SYNPR: variants seen among roughly 807,000 people sequenced by gnomAD.
The protein encoded by SYNPR is synaptoporin.
A neutral mutation model predicts 32.9 loss-of-function variants in SYNPR; 23 were observed. The ratio of observed to expected loss-of-function variants is 0.70; its 90% CI spans 0.50 to 0.99. The LOEUF (loss-of-function observed/expected upper bound fraction) is 0.99. SYNPR is among the 50% of genes least tolerant of loss of function. The probability of loss-of-function intolerance (pLI) is 0.00; values close to 1 mark genes in which losing one functional copy is unlikely to be tolerated. For synonymous variants in SYNPR, 146 were observed against 135.9 expected, an observed-to-expected ratio of 1.07 and a Z score of -0.52; for missense variants, 318 against 349.3, an observed-to-expected ratio of 0.91 and a Z score of 0.71.
chr3:63,268,225 G>A (rs1345050451), intron 3 of SYNPR, among the ~76,000 whole-genome samples: 2 of 152,210 alleles, frequency 1.3e-5, no homozygotes, highest in Non-Finnish European at 2.9e-5. Flanking sequence ...ATGACATGAG[G>A]AAATCATTAG....
intron 1 of SYNPR, among the ~76,000 whole-genome samples, chr3:63,244,369 C>T (rs1197297169): frequency 2.6e-5 from 4 of 152,042 alleles, no homozygotes; most frequent in African/African-American, 9.7e-5. Flanking sequence ...AATGTAGTTT[C>T]CTGCAATACA....
At chr3:63,579,821 ACACG>A (rs1246101742) in intron 4 of SYNPR, among the ~76,000 whole-genome samples, 20 of 129,708 alleles carry the variant, frequency 1.5e-4, no homozygotes, top group East Asian at 4.8e-4. Context: ...ACACACACAC[ACACG>A]CACACACACA....
chr3:63,229,391 GTGGCT>G (rs1439156477), intron 1 of SYNPR, among the ~76,000 whole-genome samples: 1 of 152,100 alleles, frequency 6.6e-6, no homozygotes, highest in African/African-American at 2.4e-5. Flanking sequence ...TAGGATGATT[GTGGCT>G]CTTCTGTGTA....
chr3:63,592,156 C>G (rs1699845432), intron 4 of SYNPR, among the ~76,000 whole-genome samples: 1 of 152,018 alleles, frequency 6.6e-6, no homozygotes, highest in Non-Finnish European at 1.5e-5. Flanking sequence ...ATCTATAAAC[C>G]AAGCCATGCC....
In SYNPR at chr3:63,480,309, C is replaced by A. The variant is rs535387790; in HGVS notation, c.85-523C>A. ...TGAGATCTTGTGCTCTAAAATAGCA[C>A]CTCTTAGAAACTCACCTACTCTTCC... On this transcript the variant is annotated intron_variant, in intron 2 of 5. Coordinates refer to ENST00000478300, the MANE Select transcript of SYNPR (RefSeq NM_001130003.2). Among the ~76,000 whole-genome samples the A allele has an allele frequency of 1.6e-4, 25 of 152,320 alleles. 1 individual carries two copies. The South Asian group carries it at 4.8e-3, about 29-fold the overall frequency.
At chr3:63,354,026 T>A (rs1159313272) in intron 2 of SYNPR, among the ~76,000 whole-genome samples, 1 of 152,192 alleles carries the variant, frequency 6.6e-6, no homozygotes, top group Non-Finnish European at 1.5e-5. Flanking sequence ...CTGACACTTA[T>A]TAAGCTGCCA....
chr3:63,593,438 T>C (rs902048204), intron 4 of SYNPR, among the ~76,000 whole-genome samples: 4 of 152,096 alleles, frequency 2.6e-5, no homozygotes, highest in Non-Finnish European at 4.4e-5. Context: ...TGCACCAAGA[T>C]TATAAAATCA....
At chr3:63,464,995 C>T (rs1228567789) in intron 2 of SYNPR, among the ~76,000 whole-genome samples, 1 of 152,092 alleles carries the variant, frequency 6.6e-6, no homozygotes. Context: ...TTAGTGTGTT[C>T]CATGTGAACT....
chr3:63,296,513 T>C (rs1236097785), intron 2 of SYNPR, among the ~76,000 whole-genome samples: 1 of 152,204 alleles, frequency 6.6e-6, no homozygotes, highest in Non-Finnish European at 1.5e-5. Context: ...AAATTAACCT[T>C]AGCTTGGTTT....
At chr3:63,395,384 G>A (rs1267874660) in intron 2 of SYNPR, among the ~76,000 whole-genome samples, 1 of 152,158 alleles carries the variant, frequency 6.6e-6, no homozygotes, top group East Asian at 1.9e-4. Flanking sequence ...TTTTCAGTGT[G>A]GCTGGCAAAA....
At chr3:63,208,743 C>G in the SYNPR span, among the ~76,000 whole-genome samples, 1 of 152,178 alleles carries the variant, frequency 6.6e-6, no homozygotes, top group African/African-American at 2.4e-5. Context: ...AGACTGTAAG[C>G]TCCGTGAAGT....
At chr3:63,491,092 A>G (rs1475900725) in intron 3 of SYNPR, among the ~76,000 whole-genome samples, 3 of 152,144 alleles carry the variant, frequency 2.0e-5, no homozygotes, top group Non-Finnish European at 4.4e-5. Context: ...ACACAAGAAG[A>G]CAACCAGCGG....
chr3:63,519,980 TATGTGTCTCCAA>T (rs1701874893), intron 3 of SYNPR, among the ~76,000 whole-genome samples: 1 of 152,200 alleles, frequency 6.6e-6, no homozygotes, highest in African/African-American at 2.4e-5. Flanking sequence ...TATAAACACA[TATGTGTCTCCAA>T]ATTTATATAT....
At chr3:63,458,075 G>A (rs553067749) in intron 2 of SYNPR, among the ~76,000 whole-genome samples, 25 of 151,832 alleles carry the variant, frequency 1.6e-4, no homozygotes, top group South Asian at 6.2e-4. Context: ...GGGTATCTTG[G>A]GCACTAAACT....
At chr3:63,431,815 A>C (rs4688397) in intron 2 of SYNPR, among the ~76,000 whole-genome samples, 35,732 of 150,350 alleles carry the variant, frequency 0.24, 4,750 homozygotes, top group African/African-American at 0.37. Flanking sequence ...TCATTAAAAA[A>C]AAGTCATAGT....
upstream of SYNPR, among the ~76,000 whole-genome samples, chr3:63,274,467 G>A (rs1284856560): frequency 6.6e-6 from 1 of 152,154 alleles, no homozygotes; most frequent in Non-Finnish European, 1.5e-5. Flanking sequence ...TTGCAGATTG[G>A]TACTTTGGTT....
At position 63,324,296 on chromosome 3, in the gene SYNPR, C is replaced by A. The variant is rs181494032; in HGVS notation, c.84+45554C>A. On this transcript the variant is annotated intron_variant, in intron 2 of 5. Transcript: ENST00000478300. ...CTGAGCTTTGAACTAGTATCAGTGA[C>A]CTCAACCTGAACTCTTAACCATTAC... Among the ~76,000 whole-genome samples, 570 of 152,218 alleles carry A rather than the reference C, an allele frequency of 3.7e-3. 4 individuals carry two copies. Among genetic ancestry groups the A allele is most frequent in the African/African-American group, 0.013 (523 of 41,542 alleles).
intron 3 of SYNPR, among the ~76,000 whole-genome samples, chr3:63,270,162 G>A (rs994024543): frequency 1.1e-4 from 16 of 152,148 alleles, no homozygotes; most frequent in South Asian, 8.3e-4. Flanking sequence ...AGTACTCTCG[G>A]AACCAAAAAA....
upstream of SYNPR, among the ~76,000 whole-genome samples, chr3:63,277,718 C>T (rs573273895): frequency 1.6e-3 from 244 of 152,260 alleles, no homozygotes; most frequent in South Asian, 0.01. Context: ...CTGGCATCCA[C>T]AGGCCAAGAT....
Sources: gnomAD v4.1 joint callset for allele counts (sites outside exome capture counted in the v4.1 genomes callset) on GRCh38, gnomAD v4.1.1 for gene constraint, MANE v1.5 for transcripts, NCBI Gene and HGNC (gene_info 2026-07-23, HGNC 2026-07-21) for gene names.